NKAIN3: variants seen among roughly 807,000 people sequenced by gnomAD.
NKAIN3 encodes sodium/potassium transporting ATPase interacting 3.
A neutral mutation model predicts 30.2 loss-of-function variants in NKAIN3; 25 were observed. That is an observed-to-expected ratio of 0.83 (90% CI 0.60 to 1.16). NKAIN3 has a LOEUF of 1.16. Among genes scored for constraint, NKAIN3 ranks in the 50% most tolerant of loss-of-function variants. The pLI is 0.00. For missense variants in NKAIN3, 225 were observed against 254.1 expected (o/e 0.89, Z 0.78); for synonymous variants, 91 against 89.6 (o/e 1.02, Z -0.09).
chr8:62,571,559 C>A (rs1419527154), intron 1 of NKAIN3, among the ~76,000 whole-genome samples: 1 of 152,176 alleles, frequency 6.6e-6, no homozygotes, highest in Admixed American at 6.5e-5. Flanking sequence ...AGTGCAGACT[C>A]TGCATGGGAG....
At chr8:62,458,088 G>A (rs1159198290) in intron 1 of NKAIN3, among the ~76,000 whole-genome samples, 1 of 152,106 alleles carries the variant, frequency 6.6e-6, no homozygotes, top group Non-Finnish European at 1.5e-5. Flanking sequence ...AAAAATAACA[G>A]CATCATAATA....
chr8:62,329,473 T>C (rs1815263158), intron 1 of NKAIN3, among the ~76,000 whole-genome samples: 1 of 152,144 alleles, frequency 6.6e-6, no homozygotes, highest in African/African-American at 2.4e-5. Context: ...AACAGGAGTT[T>C]CTTCAGCTTA....
At chr8:62,693,324 C>G (rs1201116569) in intron 3 of NKAIN3, among the ~76,000 whole-genome samples, 1 of 152,214 alleles carries the variant, frequency 6.6e-6, no homozygotes, top group Non-Finnish European at 1.5e-5. Context: ...AGATTATACA[C>G]CTCATTACAA....
chr8:62,710,112 A>C (rs1009452374), intron 3 of NKAIN3, among the ~76,000 whole-genome samples: 8 of 151,968 alleles, frequency 5.3e-5, no homozygotes, highest in African/African-American at 1.9e-4. Context: ...CATTTTCTTA[A>C]ATTTACTGAA....
intron 4 of NKAIN3, among the ~76,000 whole-genome samples, chr8:62,768,910 G>GA (rs1278264537): frequency 1.3e-5 from 2 of 151,986 alleles, no homozygotes; most frequent in South Asian, 4.1e-4. Flanking sequence ...AATCTTTCAA[G>GA]AAAAAAAGTT....
At position 62,971,569 on chromosome 8, in the gene NKAIN3, G is replaced by A. The variant is rs1220292428; in HGVS notation, c.*6162G>A. Among the ~76,000 whole-genome samples the A allele has an allele frequency of 1.3e-5, 2 of 150,140 alleles. No individual in the cohort carries two copies. The highest frequency in any genetic ancestry group is 3.0e-5 in the Non-Finnish European group (2 of 67,670). On this transcript the variant is annotated 3_prime_UTR_variant, in exon 7 of 7. Coordinates refer to ENST00000623646, the MANE Select transcript of NKAIN3 (RefSeq NM_001304533.3). ...GGTTGTTTGAACCTGGGAGACGGAG[G>A]TTGCAGTTAGCCAAGATCATGCCAC... is the stretch of plus-strand genomic sequence containing the variant.
At chr8:62,889,928 T>C (rs1420640353) in intron 4 of NKAIN3, among the ~76,000 whole-genome samples, 1 of 151,952 alleles carries the variant, frequency 6.6e-6, no homozygotes, top group African/African-American at 2.4e-5. Flanking sequence ...CACAGTGGAA[T>C]GGTATAAAAA....
At chr8:62,538,370 T>G (rs1808732341) in intron 1 of NKAIN3, among the ~76,000 whole-genome samples, 1 of 152,100 alleles carries the variant, frequency 6.6e-6, no homozygotes, top group Non-Finnish European at 1.5e-5. Context: ...GAAATGGGTT[T>G]CACCAAGTTG....
chr8:62,305,279 C>T (rs1814193219), intron 1 of NKAIN3, among the ~76,000 whole-genome samples: 2 of 150,184 alleles, frequency 1.3e-5, no homozygotes, highest in South Asian at 4.1e-4. Flanking sequence ...TGAAATACGA[C>T]TTTAAAGCTC....
intron 4 of NKAIN3, among the ~76,000 whole-genome samples, chr8:62,899,580 G>T (rs769264726): frequency 9.2e-5 from 14 of 152,126 alleles, no homozygotes; most frequent in Non-Finnish European, 1.6e-4. Context: ...GTTACCAGAG[G>T]CTGGGAAGGG....
intron 4 of NKAIN3, among the ~76,000 whole-genome samples, chr8:62,896,206 C>T (rs914177691): frequency 2.0e-5 from 3 of 152,072 alleles, no homozygotes; most frequent in African/African-American, 7.2e-5. Flanking sequence ...TGTCTGTAAC[C>T]TCACATGGTA....
chr8:62,580,416 A>G (rs372461936), intron 2 of NKAIN3, among the ~76,000 whole-genome samples: 2 of 152,172 alleles, frequency 1.3e-5, no homozygotes, highest in Admixed American at 6.5e-5. Context: ...TAATAAGCAT[A>G]TATACGTATT....
rs541712894 is a variant in NKAIN3 at position 62,310,907 on chromosome 8, A to G, written c.54+61780A>G. Among the ~76,000 whole-genome samples the G allele has an allele frequency of 1.3e-4, 20 of 150,570 alleles. No homozygotes were observed. The South Asian group carries it at 3.9e-3, about 30-fold the overall frequency. On this transcript the variant is annotated intron_variant, in intron 1 of 6. Transcript: ENST00000623646. ...CCAAAGATTAAAAATATTCCTCTTC[A>G]GACTTGGAGAACCTCAGGTTTCAAT...
At chr8:62,463,115 C>T (rs542884274) in intron 1 of NKAIN3, among the ~76,000 whole-genome samples, 3 of 152,056 alleles carry the variant, frequency 2.0e-5, no homozygotes, top group East Asian at 1.9e-4. Context: ...GATTTTTAAG[C>T]TGTTTAGAGG....
At chr8:62,792,679 G>A (rs2054522) in intron 4 of NKAIN3, among the ~76,000 whole-genome samples, 4,032 of 152,136 alleles carry the variant, frequency 0.027, 185 homozygotes, top group African/African-American at 0.092. Context: ...AGTGGATTGA[G>A]GAAGGGATCT....
intron 5 of NKAIN3, among the ~76,000 whole-genome samples, chr8:62,942,711 C>T (rs2130884946): frequency 6.6e-6 from 1 of 152,122 alleles, no homozygotes; most frequent in East Asian, 1.9e-4. Context: ...AAATAGAGAA[C>T]ACAGAAACAA....
At chr8:62,859,712 T>C (rs1481188370) in intron 4 of NKAIN3, among the ~76,000 whole-genome samples, 1 of 152,032 alleles carries the variant, frequency 6.6e-6, no homozygotes, top group Non-Finnish European at 1.5e-5. Context: ...CTACAAGATT[T>C]ACTTACTTTT....
In NKAIN3 at chr8:62,739,195, T is replaced by C. The variant is rs573362626; in HGVS notation, c.274-7737T>C. On this transcript the variant is annotated intron_variant, in intron 3 of 6. Coordinates refer to ENST00000623646, the MANE Select transcript of NKAIN3 (RefSeq NM_001304533.3). ...AGTTGATGGGTGCAGCAAACCACCA[T>C]GGCACTTGTATACCTATGTAACAAA... is the stretch of plus-strand genomic sequence containing the variant. Among the ~76,000 whole-genome samples, 7 of 152,148 alleles carry C rather than the reference T, an allele frequency of 4.6e-5. No homozygotes were observed. The South Asian group carries it at 6.2e-4, about 14-fold the overall frequency.
chr8:62,294,031 C>T (rs922588901), intron 1 of NKAIN3, among the ~76,000 whole-genome samples: 3 of 152,186 alleles, frequency 2.0e-5, no homozygotes, highest in Admixed American at 1.3e-4. Context: ...TGGGACCCTT[C>T]GAGTCAGGCA....
Sources: gnomAD v4.1 joint callset for allele counts (sites outside exome capture counted in the v4.1 genomes callset) on GRCh38, gnomAD v4.1.1 for gene constraint, MANE v1.5 for transcripts, NCBI Gene and HGNC (gene_info 2026-07-23, HGNC 2026-07-21) for gene names.